GNA14: variants seen among roughly 807,000 people sequenced by gnomAD.
GNA14 encodes the protein G protein subunit alpha 14.
GNA14 carries 50 observed loss-of-function variants against 42.0 expected under a neutral mutation model. The observed-to-expected ratio is 1.19, with a 90% CI of 0.95 to 1.51. The LOEUF (loss-of-function observed/expected upper bound fraction) is 1.51. Ranked by LOEUF, GNA14 falls within the 40% of genes most tolerant of loss-of-function variation. GNA14 has a pLI of 0.00. For synonymous variants in GNA14, 173 were observed against 163.1 expected (o/e 1.06, Z -0.46); for missense variants, 473 against 446.2 (o/e 1.06, Z -0.54).
chr9:77,475,904 G>C (rs1271182355), intron 2 of GNA14, among the ~76,000 whole-genome samples: 2 of 152,160 alleles, frequency 1.3e-5, no homozygotes, highest in African/African-American at 4.8e-5. Context: ...AGGGATGCAG[G>C]CATGGTGGGC....
intron 2 of GNA14, among the ~76,000 whole-genome samples, chr9:77,468,026 C>G (rs942480915): frequency 2.0e-5 from 3 of 152,170 alleles, no homozygotes; most frequent in African/African-American, 7.2e-5. Context: ...CCTAAAATAG[C>G]ACTTCCACAA....
intron 1 of GNA14, among the ~76,000 whole-genome samples, chr9:77,620,146 T>C (rs1229866748): frequency 6.6e-6 from 1 of 152,086 alleles, no homozygotes; most frequent in African/African-American, 2.4e-5. Context: ...ATGATCAAGG[T>C]AACTAAGCTT....
At chr9:77,441,545 G>C (rs28396831) in intron 2 of GNA14, among the ~76,000 whole-genome samples, 20,040 of 152,144 alleles carry the variant, frequency 0.13, 1,440 homozygotes, top group African/African-American at 0.17. Flanking sequence ...ACTATTTCAA[G>C]TGTCTACTGT....
At chr9:77,518,262 T>C (rs1587813090) in intron 2 of GNA14, among the ~76,000 whole-genome samples, 1 of 152,296 alleles carries the variant, frequency 6.6e-6, no homozygotes, top group East Asian at 1.9e-4. Flanking sequence ...CTGTTGTCCC[T>C]TTCTAGTATA....
chr9:77,482,423 C>T (rs1029799624), intron 2 of GNA14, among the ~76,000 whole-genome samples: 12 of 151,786 alleles, frequency 7.9e-5, no homozygotes, highest in East Asian at 5.9e-4. Flanking sequence ...GTCGAGAGAT[C>T]TCTCTTAGTC....
At chr9:77,437,136 G>A (rs368390555) in intron 2 of GNA14, among the ~76,000 whole-genome samples, 6 of 152,222 alleles carry the variant, frequency 3.9e-5, no homozygotes, top group Non-Finnish European at 4.4e-5. Flanking sequence ...TTAGTGCTGC[G>A]ACAATCATCA....
intron 1 of GNA14, among the ~76,000 whole-genome samples, chr9:77,594,892 GGAGA>G (rs771261884): frequency 1.3e-5 from 2 of 152,208 alleles, no homozygotes; most frequent in Non-Finnish European, 2.9e-5. Flanking sequence ...TTTCAAGCAA[GGAGA>G]GACTCATGTT....
chr9:77,453,862 T>C (rs1327246778), intron 2 of GNA14, among the ~76,000 whole-genome samples: 2 of 152,232 alleles, frequency 1.3e-5, no homozygotes, highest in Non-Finnish European at 2.9e-5. Flanking sequence ...ATACACTACT[T>C]GCCAAATACA....
chr9:77,479,676 T>C (rs1210733000), intron 2 of GNA14, among the ~76,000 whole-genome samples: 22 of 152,224 alleles, frequency 1.4e-4, no homozygotes, highest in Non-Finnish European at 3.1e-4. Flanking sequence ...TTCTTCCTAC[T>C]CATGAACATG....
chr9:77,538,952 A>G (rs938957106), intron 1 of GNA14, among the ~76,000 whole-genome samples: 2 of 152,196 alleles, frequency 1.3e-5, no homozygotes, highest in African/African-American at 4.8e-5. Flanking sequence ...TATCACCCAC[A>G]AAGAGGTACA....
intron 2 of GNA14, among the ~76,000 whole-genome samples, chr9:77,525,580 C>T (rs1263163903): frequency 6.6e-6 from 1 of 150,652 alleles, no homozygotes; most frequent in Admixed American, 6.6e-5. Context: ...GCTCTGTTGC[C>T]CAGGCTGGAG....
rs1466391143 is a variant in GNA14, at chr9:77,426,854, AG to A, written c.724-1140del. ...ACAAGAACTTCCCTGTAGGGAGGGA[AG>A]GGATCACAGTGAAAAACATCCAAGC... On this transcript the variant is annotated intron_variant, in intron 5 of 6. Transcript: ENST00000341700. Among the ~76,000 whole-genome samples the A allele has an allele frequency of 2.0e-5, 3 of 152,198 alleles. No homozygotes were observed. In the East Asian group the frequency reaches 5.8e-4, roughly 29 times the overall value.
chr9:77,561,569 T>C (rs1277344306), intron 1 of GNA14, among the ~76,000 whole-genome samples: 1 of 152,198 alleles, frequency 6.6e-6, no homozygotes, highest in Non-Finnish European at 1.5e-5. Context: ...TGGATGAACC[T>C]TGAAAATATT....
At chr9:77,559,275 C>G (rs563909813) in intron 1 of GNA14, among the ~76,000 whole-genome samples, 1 of 152,292 alleles carries the variant, frequency 6.6e-6, no homozygotes, top group African/African-American at 2.4e-5. Flanking sequence ...TGGTCCCAAG[C>G]TCCACCTTTG....
intron 1 of GNA14, among the ~76,000 whole-genome samples, chr9:77,562,054 G>C (rs754639090): frequency 1.3e-5 from 2 of 152,068 alleles, no homozygotes; most frequent in Admixed American, 6.6e-5. Context: ...TTCACAATAC[G>C]GATTAAGAAA....
intron 1 of GNA14, among the ~76,000 whole-genome samples, chr9:77,640,126 G>A (rs745865405): frequency 6.6e-6 from 1 of 152,210 alleles, no homozygotes; most frequent in Non-Finnish European, 1.5e-5. Flanking sequence ...TGCAGAGAGG[G>A]CTCTCAAGCT....
chr9:77,586,543 A>T (rs998768383), intron 1 of GNA14, among the ~76,000 whole-genome samples: 1 of 152,182 alleles, frequency 6.6e-6, no homozygotes, highest in Non-Finnish European at 1.5e-5. Flanking sequence ...ACGGACACTC[A>T]AGAAGTAAGT....
intron 2 of GNA14, among the ~76,000 whole-genome samples, chr9:77,498,368 T>G (rs1409071826): frequency 1.3e-5 from 1 of 76,770 alleles, no homozygotes; most frequent in Admixed American, 1.5e-4. Flanking sequence ...AGCAAAAGTC[T>G]GTCTCAAAAA....
At chr9:77,588,215 G>A (rs1005661295) in intron 1 of GNA14, among the ~76,000 whole-genome samples, 20 of 152,110 alleles carry the variant, frequency 1.3e-4, no homozygotes, top group South Asian at 4.1e-4. Flanking sequence ...AGTTTTCAGG[G>A]ATTCAGAGGG....
Sources: allele counts gnomAD v4.1 joint callset (sites outside exome capture counted in the v4.1 genomes callset), GRCh38; gene constraint gnomAD v4.1.1; transcripts MANE v1.5; gene names NCBI Gene and HGNC (gene_info 2026-07-23, HGNC 2026-07-21).